Variants in NBPF11 observed in about 807,000 individuals in gnomAD.
NBPF11 encodes the protein NBPF member 11.
NBPF11 carries 72 observed loss-of-function variants against 93.9 expected under a neutral mutation model. The observed-to-expected ratio is 0.77, with a 90% CI of 0.63 to 0.93. The LOEUF (loss-of-function observed/expected upper bound fraction) is 0.93, where lower values mean the gene tolerates loss of function less well. Among genes scored for constraint, NBPF11 ranks in the 40% least tolerant of loss-of-function variants. The pLI, the probability that NBPF11 is intolerant of heterozygous loss-of-function variation, is 0.00. For synonymous variants in NBPF11, 224 were observed against 304.9 expected (o/e 0.73, Z 2.76); for missense variants, 705 against 802.2 (o/e 0.88, Z 1.46).
intron 1 of NBPF11, among the ~76,000 whole-genome samples, chr1:148,145,185 G>T (rs1672793899): frequency 1.5e-5 from 2 of 136,088 alleles, no homozygotes; most frequent in South Asian, 2.4e-4. Context: ...GCTAGGCATT[G>T]ATTTCTTTTT....
At position 148,122,632 on chromosome 1, in the gene NBPF11, C is replaced by T. The variant is rs1394990204; in HGVS notation, c.566+97G>A. On this transcript the variant is annotated intron_variant, in intron 8 of 23. Transcript: ENST00000682118. ...TTCACATACTGTGGCCAAGGGAATG[C>T]GGGCTTTTGGCCCATCATAGATGCC... 1.3e-4 allele frequency: 198 copies of T among 1,540,968 alleles called. 1 individual carries two copies. The African/African-American group carries it at 1.6e-3, about 12-fold the overall frequency.
intron 9 of NBPF11, among the ~76,000 whole-genome samples, chr1:148,120,950 A>G (rs1436440087): frequency 1.3e-5 from 2 of 152,210 alleles, no homozygotes; most frequent in East Asian, 1.9e-4. Flanking sequence ...TCTATAAAGC[A>G]AGGCTTGGCC....
chr1:148,146,365 G>C, intron 1 of NBPF11: 1 of 1,520,388 alleles, frequency 6.6e-7, no homozygotes, highest in Non-Finnish European at 8.7e-7. Context: ...CGGGGGCCCC[G>C]GTGGAGGCCC....
Position 148,146,549 on chromosome 1 carries a change from C to G in NBPF11, c.-548-2863G>C, listed in dbSNP as rs1673118820. 6.9e-6 allele frequency: 11 copies of G among 1,604,810 alleles called. No homozygotes were observed. In the South Asian group the frequency reaches 1.1e-4, roughly 16 times the overall value. On this transcript the variant is annotated intron_variant, in intron 1 of 23. Coordinates refer to ENST00000682118, the MANE Select transcript of NBPF11 (RefSeq NM_001385469.3). ...GGGCCTGGTGGGGCCGGGGCCGCCC[C>G]CTTGGGGACCCTGAGAGCCTCCTCG...
chr1:148,108,842 G>GACACACGC (rs1664488391), intron 17 of NBPF11, among the ~76,000 whole-genome samples, 188 bp from the exon 18 acceptor site: 4 of 112,812 alleles, frequency 3.5e-5, no homozygotes, highest in African/African-American at 1.4e-4. Flanking sequence ...GAAAGAGAAA[G>GACACACGC]ACACACACAC....
chr1:148,148,892 G>C (rs1370056368), intron 1 of NBPF11, among the ~76,000 whole-genome samples: 3 of 151,554 alleles, frequency 2.0e-5, no homozygotes, highest in Non-Finnish European at 4.4e-5. Context: ...GGGGCACTCC[G>C]TAGGCAGGAT....
chr1:148,137,519 T>C (rs1403592777), intron 3 of NBPF11, among the ~76,000 whole-genome samples, 192 bp downstream of exon 3: 1 of 152,160 alleles, frequency 6.6e-6, no homozygotes, highest in East Asian at 1.9e-4. Flanking sequence ...GGCCGCTTCA[T>C]TCCAGACTTC....
intron 9 of NBPF11, among the ~76,000 whole-genome samples, chr1:148,121,518 C>CT (rs1290215827): frequency 0.02 from 2,927 of 146,348 alleles, 46 homozygotes; most frequent in South Asian, 0.063. Flanking sequence ...CAGCTAATTT[C>CT]TTTTTTTTTT....
At chr1:148,134,010 G>A (rs1459595668) in intron 4 of NBPF11, among the ~76,000 whole-genome samples, 2 of 152,078 alleles carry the variant, frequency 1.3e-5, no homozygotes, top group Admixed American at 6.5e-5. Context: ...AAGTCCCACG[G>A]CCTGTCCTCT....
At chr1:148,108,072 G>A (rs1319774999) in intron 18 of NBPF11, among the ~76,000 whole-genome samples, 1 of 150,176 alleles carries the variant, frequency 6.7e-6, no homozygotes, top group Non-Finnish European at 1.5e-5. Context: ...ATGGTTGCTA[G>A]GAGAAAAACT....
chr1:148,120,111 C>A (rs1394734035), intron 10 of NBPF11, among the ~76,000 whole-genome samples: 2 of 151,690 alleles, frequency 1.3e-5, no homozygotes, highest in African/African-American at 4.9e-5. Flanking sequence ...TCAACAGAAA[C>A]TTGAACTGAA....
At chr1:148,136,722 T>C (rs2149278635) in intron 3 of NBPF11, among the ~76,000 whole-genome samples, 1 of 151,976 alleles carries the variant, frequency 6.6e-6, no homozygotes, top group African/African-American at 2.4e-5. Context: ...CTAGAATCAC[T>C]GTAGTTGTTA....
At chr1:148,147,978 G>A (rs1176558298) in intron 1 of NBPF11, among the ~76,000 whole-genome samples, 1 of 152,098 alleles carries the variant, frequency 6.6e-6, no homozygotes, top group Non-Finnish European at 1.5e-5. Flanking sequence ...GCCAGAGCGT[G>A]CCCAGGGCCT....
At chr1:148,129,001 G>T (rs1424233164) in intron 4 of NBPF11, among the ~76,000 whole-genome samples, 5 of 148,598 alleles carry the variant, frequency 3.4e-5, no homozygotes, top group Non-Finnish European at 7.4e-5. Context: ...GCCTGTCATG[G>T]GGTGAGGGCT....
intron 15 of NBPF11, among the ~76,000 whole-genome samples, chr1:148,111,332 T>C (rs1665208678): frequency 6.6e-6 from 1 of 151,976 alleles, no homozygotes; most frequent in Non-Finnish European, 1.5e-5. Flanking sequence ...TCCAAAAACC[T>C]GACATCCCTT....
In NBPF11 at chr1:148,151,739, G is replaced by C. The variant is rs1285579180; in HGVS notation, c.-549+11C>G. The C allele has an allele frequency of 5.9e-5, 9 of 152,534 alleles. No individual in the cohort carries two copies. Among genetic ancestry groups the C allele is most frequent in the African/African-American group, 1.9e-4 (8 of 41,314 alleles). The allele number at this position is 152,534 out of a possible 1,614,324, so 9.4% of individuals were successfully genotyped here. A position where few individuals can be genotyped will look rare whatever the true frequency, so the allele number is the denominator to read the frequency against. On this transcript the variant is annotated intron_variant, in intron 1 of 23. Coordinates refer to ENST00000682118, the MANE Select transcript of NBPF11 (RefSeq NM_001385469.3). The stretch of plus-strand genomic sequence containing the variant: ...ACTCACCTCCCGCCCGGCCTGGCGC[G>C]GCGCCCTCACCTCCGGAACGCTGGG...
At chr1:148,149,607 C>T in intron 1 of NBPF11, 1 of 1,575,194 alleles carries the variant, frequency 6.3e-7, no homozygotes. Flanking sequence ...TAAGGCGGCC[C>T]CCGGACCTCA....
intron 15 of NBPF11, among the ~76,000 whole-genome samples, chr1:148,111,314 C>T (rs1553268589): frequency 6.6e-6 from 1 of 152,012 alleles, no homozygotes; most frequent in Non-Finnish European, 1.5e-5. Flanking sequence ...AGCACAAAAG[C>T]TGAAAATTCC....
chr1:148,118,640 C>T lies in NBPF11; in HGVS notation c.1071G>A (p.Leu357=), dbSNP rs74946467. 5.6e-6 allele frequency: 9 copies of T among 1,610,582 alleles called. No individual in the cohort carries two copies. In the Middle Eastern group the frequency reaches 5.7e-4, roughly 102 times the overall value. The stretch of plus-strand genomic sequence containing the variant: ...CTCACCTGAGCTCCTCAGCTTGCTT[C>T]AGCTGCTCTGCAAGCTTCTCCTCCT... ...QFKEEKLAEQ[L]KQAEELRQYK... is the part of the protein sequence containing the mutation. Residue 357 remains leucine (L), a synonymous_variant, in exon 11 of 24, where the codon CTG becomes CTA. Coordinates refer to ENST00000682118, the MANE Select transcript of NBPF11 (RefSeq NM_001385469.3).
Sources: allele counts gnomAD v4.1 joint callset (sites outside exome capture counted in the v4.1 genomes callset), GRCh38; gene constraint gnomAD v4.1.1; transcripts MANE v1.5; gene names NCBI Gene and HGNC (gene_info 2026-07-23, HGNC 2026-07-21).